The following SORCS2 variants were observed in gnomAD, a reference collection of about 807,000 sequenced individuals.
The protein encoded by SORCS2 is sortilin related VPS10 domain containing receptor 2.
SORCS2 carries 100 observed loss-of-function variants against 141.6 expected under a neutral mutation model. The ratio of observed to expected loss-of-function variants is 0.71; its 90% CI spans 0.60 to 0.83. The LOEUF (loss-of-function observed/expected upper bound fraction) is 0.83. SORCS2 is among the 40% of genes least tolerant of loss of function. The pLI, the probability that SORCS2 is intolerant of heterozygous loss-of-function variation, is 0.00. For synonymous variants in SORCS2, 789 were observed against 676.9 expected (o/e 1.17, Z -2.57); for missense variants, 1,646 against 1,560.2 (o/e 1.05, Z -0.93).
At chr4:7,729,139 T>C (rs1727427917) in intron 22 of SORCS2, among the ~76,000 whole-genome samples, 1 of 152,134 alleles carries the variant, frequency 6.6e-6, no homozygotes, top group Admixed American at 6.5e-5. Flanking sequence ...GAGAGCATAT[T>C]CTCTGTGGGT....
At chr4:7,493,238 C>T (rs977899867) in intron 2 of SORCS2, among the ~76,000 whole-genome samples, 2 of 152,172 alleles carry the variant, frequency 1.3e-5, no homozygotes, top group African/African-American at 4.8e-5. Flanking sequence ...GTGCATGTGA[C>T]CCTGGATGGG....
intron 3 of SORCS2, among the ~76,000 whole-genome samples, chr4:7,571,463 GGC>G (rs1715389606): frequency 1.3e-5 from 2 of 152,186 alleles, no homozygotes; most frequent in South Asian, 4.1e-4. Flanking sequence ...GAATAGCTCT[GGC>G]CATGCCCCGT....
Position 7,648,985 on chromosome 4 carries a change from G to T in SORCS2, c.814-5149G>T, listed in dbSNP as rs1295553956. Among the ~76,000 whole-genome samples the T allele has an allele frequency of 5.3e-5, 8 of 152,166 alleles. No individual in the cohort carries two copies. In the East Asian group the frequency reaches 1.3e-3, roughly 26 times the overall value. On this transcript the variant is annotated intron_variant, in intron 4 of 26. Transcript: ENST00000507866. The surrounding 1 kb of genome is among the most constrained non-coding windows in gnomAD (Gnocchi z 4.2). ...CCTCCCCCGAGCCCAGCTGGCACTG[G>T]CACCAGGACATGAGGGTGTGGCGGA...
intron 2 of SORCS2, among the ~76,000 whole-genome samples, chr4:7,456,784 G>A (rs1316263107): frequency 6.6e-6 from 1 of 152,132 alleles, no homozygotes; most frequent in Non-Finnish European, 1.5e-5. Context: ...GGGTAGGGGG[G>A]TGGAGGGTCA....
At chr4:7,391,537 G>A (rs1445480695) in intron 1 of SORCS2, among the ~76,000 whole-genome samples, 3 of 152,124 alleles carry the variant, frequency 2.0e-5, no homozygotes, top group African/African-American at 4.8e-5. Context: ...CTCCATGGCC[G>A]GCCTAGGGTC....
At chr4:7,339,441 A>G (rs548405953) in intron 1 of SORCS2, among the ~76,000 whole-genome samples, 9 of 152,320 alleles carry the variant, frequency 5.9e-5, no homozygotes, top group South Asian at 2.1e-4. Flanking sequence ...AGGTGCCTGC[A>G]AGGTTGGCTG....
intron 3 of SORCS2, among the ~76,000 whole-genome samples, chr4:7,614,217 C>G (rs1208975503): frequency 6.8e-6 from 1 of 147,058 alleles, no homozygotes; most frequent in Admixed American, 6.7e-5. Flanking sequence ...TCCACCTATT[C>G]ACCATCCATT....
intron 2 of SORCS2, among the ~76,000 whole-genome samples, chr4:7,403,961 G>GTGTGTATATATATATATA (rs1260939310): frequency 6.7e-5 from 2 of 29,890 alleles, no homozygotes; most frequent in Non-Finnish European, 1.5e-4. Flanking sequence ...CTCCATGTGT[G>GTGTGTATATATATATATA]TATATATATA....
chr4:7,603,042 G>A (rs1285478884), intron 3 of SORCS2, among the ~76,000 whole-genome samples: 3 of 152,172 alleles, frequency 2.0e-5, no homozygotes, highest in African/African-American at 2.4e-5. Context: ...GCCTGCAATC[G>A]CAGGCACTCC....
chr4:7,554,859 A>G (rs1395286356), intron 3 of SORCS2, among the ~76,000 whole-genome samples: 1 of 152,212 alleles, frequency 6.6e-6, no homozygotes, highest in Non-Finnish European at 1.5e-5. Flanking sequence ...CTCCAAATGT[A>G]AAGGCATATT....
intron 3 of SORCS2, among the ~76,000 whole-genome samples, chr4:7,583,470 T>G (rs1383723723): frequency 1.3e-5 from 2 of 152,206 alleles, no homozygotes; most frequent in Non-Finnish European, 2.9e-5. Flanking sequence ...AGATATGGTT[T>G]GGCTGTGTCC....
chr4:7,398,567 A>G (rs879553537), intron 2 of SORCS2, among the ~76,000 whole-genome samples: 3 of 152,212 alleles, frequency 2.0e-5, no homozygotes, highest in Non-Finnish European at 4.4e-5. Flanking sequence ...ATCTCACCAA[A>G]GTTCACCCAC....
rs550746170 is a variant in SORCS2, at chr4:7,363,198, G to A, written c.481-33090G>A. ...TACTACCCTCATCACCACCTTCACC[G>A]TCACCACCACCACCACCACCATTAC... is the stretch of plus-strand genomic sequence containing the variant. On this transcript the variant is annotated intron_variant, in intron 1 of 26. Transcript: ENST00000507866. Among the ~76,000 whole-genome samples, 6 of 123,294 alleles carry A rather than the reference G, an allele frequency of 4.9e-5. No homozygotes were observed. In the South Asian group the frequency reaches 8.2e-4, roughly 17 times the overall value. The allele number at this position is 123,294 out of a possible 152,430, so 80.9% of individuals were successfully genotyped here.
intron 3 of SORCS2, among the ~76,000 whole-genome samples, chr4:7,628,518 C>CA (rs1719670147): frequency 6.0e-5 from 5 of 83,458 alleles, no homozygotes; most frequent in Non-Finnish European, 8.1e-5. Context: ...GACTCCGTCT[C>CA]GAAAAAAAAA....
At chr4:7,635,656 T>C (rs1004670791) in intron 3 of SORCS2, among the ~76,000 whole-genome samples, 2 of 152,242 alleles carry the variant, frequency 1.3e-5, no homozygotes, top group East Asian at 1.9e-4. Context: ...CGTTAGCTGT[T>C]CTTTGCCAAC....
intron 1 of SORCS2, among the ~76,000 whole-genome samples, chr4:7,248,809 A>AT (rs1713297183): frequency 6.6e-6 from 1 of 152,244 alleles, no homozygotes; most frequent in South Asian, 2.1e-4. Flanking sequence ...GGAGAATTCC[A>AT]TTCGTGGCCT....
chr4:7,195,198 TGTG>T (rs1727102057), intron 1 of SORCS2, among the ~76,000 whole-genome samples: 6 of 95,172 alleles, frequency 6.3e-5, no homozygotes, highest in African/African-American at 2.5e-4. Flanking sequence ...GTGTGTGTGT[TGTG>T]GGGGGAGGAT....
intron 1 of SORCS2, among the ~76,000 whole-genome samples, chr4:7,206,324 C>T (rs964631134): frequency 1.3e-5 from 2 of 152,120 alleles, no homozygotes; most frequent in Admixed American, 1.3e-4. Context: ...AGTAGATGCT[C>T]AGTAAACATC....
At chr4:7,214,952 G>A (rs1453076908) in intron 1 of SORCS2, among the ~76,000 whole-genome samples, 1 of 151,976 alleles carries the variant, frequency 6.6e-6, no homozygotes, top group Non-Finnish European at 1.5e-5. Context: ...GAAAGTGAGA[G>A]GTGACAGCGT....
Sources: allele counts gnomAD v4.1 joint callset (sites outside exome capture counted in the v4.1 genomes callset), GRCh38; gene constraint gnomAD v4.1.1; non-coding constraint Gnocchi (gnomAD v3.1); transcripts MANE v1.5; gene names NCBI Gene and HGNC (gene_info 2026-07-23, HGNC 2026-07-21).